Variants in LMBRD1 observed in about 807,000 individuals in gnomAD.
LMBRD1 encodes the protein LMBR1 domain containing 1, also known as lysosomal cobalamin transport escort protein LMBD1.
Under a neutral mutation model 74.8 loss-of-function variants are expected in LMBRD1, and 64 were observed. The observed-to-expected ratio is 0.86, with a 90% CI of 0.70 to 1.05. LMBRD1 has a LOEUF of 1.05. Among genes scored for constraint, LMBRD1 ranks in the 50% least tolerant of loss-of-function variants. The pLI, the probability that LMBRD1 is intolerant of heterozygous loss-of-function variation, is 0.00. For missense variants in LMBRD1, 652 were observed against 645.9 expected, an observed-to-expected ratio of 1.01 and a Z score of -0.10; for synonymous variants, 204 against 216.3, an observed-to-expected ratio of 0.94 and a Z score of 0.50.
At chr6:69,715,712 A>T (rs1307471087) in intron 8 of LMBRD1, among the ~76,000 whole-genome samples, 1 of 152,126 alleles carries the variant, frequency 6.6e-6, no homozygotes, top group African/African-American at 2.4e-5. Context: ...ACGTACACAT[A>T]TACAAATGTA....
intron 3 of LMBRD1, among the ~76,000 whole-genome samples, chr6:69,762,460 A>AG (rs1765392595): frequency 6.6e-6 from 1 of 151,964 alleles, no homozygotes; most frequent in Non-Finnish European, 1.5e-5. Context: ...AAAAAACAAA[A>AG]AAAAAAAAAG....
At chr6:69,724,513 T>G (rs1226629224) in intron 7 of LMBRD1, among the ~76,000 whole-genome samples, 1 of 141,786 alleles carries the variant, frequency 7.1e-6, no homozygotes, top group South Asian at 2.4e-4. Flanking sequence ...TTGTATTTGT[T>G]GAACCATCCC....
chr6:69,782,083 G>C (rs1347074716), intron 2 of LMBRD1, among the ~76,000 whole-genome samples: 3 of 152,168 alleles, frequency 2.0e-5, no homozygotes, highest in Non-Finnish European at 2.9e-5. Context: ...AATGTGGAGG[G>C]AAAGCCATCT....
chr6:69,758,661 T>C (rs1161591719), intron 3 of LMBRD1, among the ~76,000 whole-genome samples: 1 of 152,170 alleles, frequency 6.6e-6, no homozygotes, highest in Non-Finnish European at 1.5e-5. Context: ...TAAGTGAGAC[T>C]GAAACACTAT....
chr6:69,718,242 A>G (rs908838125), intron 8 of LMBRD1, among the ~76,000 whole-genome samples: 4 of 152,080 alleles, frequency 2.6e-5, no homozygotes, highest in African/African-American at 9.7e-5. Context: ...TGTAATCTTT[A>G]GCTTATTCAA....
At chr6:69,718,497 A>G (rs1766541540) in intron 8 of LMBRD1, among the ~76,000 whole-genome samples, 1 of 152,116 alleles carries the variant, frequency 6.6e-6, no homozygotes, top group Non-Finnish European at 1.5e-5. Flanking sequence ...ATAAAGAACT[A>G]CTCGAGACTG....
intron 2 of LMBRD1, among the ~76,000 whole-genome samples, chr6:69,783,752 A>G (rs1031573986): frequency 3.3e-5 from 5 of 152,176 alleles, no homozygotes; most frequent in South Asian, 2.1e-4. Flanking sequence ...TACTTCTTAT[A>G]TGTTATACAA....
chr6:69,751,567 A>T (rs899904447), intron 4 of LMBRD1, among the ~76,000 whole-genome samples: 24 of 152,148 alleles, frequency 1.6e-4, no homozygotes, highest in African/African-American at 5.8e-4. Flanking sequence ...ACCTCAGGTG[A>T]TCCGCCCGCC....
intron 7 of LMBRD1, among the ~76,000 whole-genome samples, chr6:69,722,789 G>A (rs987852382): frequency 2.0e-5 from 3 of 152,140 alleles, no homozygotes; most frequent in Middle Eastern, 3.4e-3. Flanking sequence ...AGGGAGGATC[G>A]TAAAATAACC....
intron 1 of LMBRD1, among the ~76,000 whole-genome samples, chr6:69,796,324 A>T (rs759595868): frequency 3.9e-5 from 6 of 152,210 alleles, no homozygotes; most frequent in Non-Finnish European, 8.8e-5. Context: ...CAATGGGCAC[A>T]GAGGTTGGAG....
chr6:69,699,930 A>G (rs1766090090), intron 12 of LMBRD1, among the ~76,000 whole-genome samples: 1 of 151,802 alleles, frequency 6.6e-6, no homozygotes, highest in Non-Finnish European at 1.5e-5. Flanking sequence ...AATATTAAAC[A>G]TGAAAAGGAA....
chr6:69,713,537 T>C, intron 9 of LMBRD1, 108 bp downstream of exon 9: 2 of 1,178,662 alleles, frequency 1.7e-6, no homozygotes, highest in South Asian at 2.8e-5. Context: ...CCCAAATCCA[T>C]TTTAAGTACC....
In LMBRD1 at chr6:69,795,607, GC is replaced by G. The variant is rs553602538; in HGVS notation, c.69+1205del. ...AAACTAAATCTGATGGACTGGAAAA[GC>G]CAGGGGGCTCTCCAAATACAGGACT... On this transcript the variant is annotated intron_variant, in intron 1 of 15. Coordinates refer to ENST00000649934, the MANE Select transcript of LMBRD1 (RefSeq NM_018368.4). 8.6e-4 allele frequency among the ~76,000 whole-genome samples: 131 copies of G among 152,216 alleles called. 1 individual carries two copies. The highest frequency in any genetic ancestry group is 3.0e-3 in the African/African-American group (124 of 41,540).
chr6:69,751,616 C>G (rs1765155344), intron 4 of LMBRD1, among the ~76,000 whole-genome samples: 1 of 152,188 alleles, frequency 6.6e-6, no homozygotes, highest in Non-Finnish European at 1.5e-5. Context: ...GCGTGAGCCA[C>G]AGCGCCTGGC....
chr6:69,752,478 A>G, intron 3 of LMBRD1, 122 bp from the exon 4 acceptor site: 1 of 801,340 alleles, frequency 1.2e-6, no homozygotes. Flanking sequence ...CCCTCTTCTC[A>G]TAACTCTTTC....
At position 69,675,951 on chromosome 6, in the gene LMBRD1, A is replaced by G; in HGVS notation, c.*207T>C. 1.8e-6 allele frequency: 1 copy of G among 552,208 alleles called. No individual in the cohort carries two copies. Among genetic ancestry groups the G allele is most frequent in the Non-Finnish European group, 3.2e-6 (1 of 312,006 alleles). The allele number at this position is 552,208 out of a possible 1,614,324, so 34.2% of individuals were successfully genotyped here. On this transcript the variant is annotated 3_prime_UTR_variant, in exon 16 of 16. Transcript: ENST00000649934. The stretch of plus-strand genomic sequence containing the variant: ...TCCCTCACAAAGCCAGTAGTCTTAT[A>G]TTTACATAGCATGATTATGGTAATT...
chr6:69,789,561 AAAAAT>A (rs1434075130), intron 2 of LMBRD1, among the ~76,000 whole-genome samples: 20 of 151,490 alleles, frequency 1.3e-4, no homozygotes, highest in East Asian at 3.9e-4. Flanking sequence ...AAATAAAATA[AAAAAT>A]AAAATAAAAT....
chr6:69,703,022 C>G (rs1424320677), intron 9 of LMBRD1, among the ~76,000 whole-genome samples: 11 of 151,950 alleles, frequency 7.2e-5, no homozygotes, highest in Non-Finnish European at 1.6e-4. Flanking sequence ...GCCTTTGGGG[C>G]TCACTGGGAA....
At chr6:69,705,687 G>A in intron 9 of LMBRD1, 2 of 928,644 alleles carry the variant, frequency 2.2e-6, no homozygotes, top group South Asian at 2.6e-5. Context: ...TTCATCAGTA[G>A]CAAGTTTTAC....
Sources: gnomAD v4.1 joint callset for allele counts (sites outside exome capture counted in the v4.1 genomes callset) on GRCh38, gnomAD v4.1.1 for gene constraint, MANE v1.5 for transcripts, NCBI Gene and HGNC (gene_info 2026-07-23, HGNC 2026-07-21) for gene names.